SFTA2: variants seen among roughly 807,000 people sequenced by gnomAD.
The protein encoded by SFTA2 is surfactant associated 2.
SFTA2 carries 3 observed loss-of-function variants against 6.0 expected under a neutral mutation model. That is an observed-to-expected ratio of 0.50 (90% CI 0.23 to 1.28). SFTA2 has a LOEUF of 1.28. Among genes scored for constraint, SFTA2 ranks in the 50% most tolerant of loss-of-function variants. The pLI is 0.19. For missense variants in SFTA2, 87 were observed against 88.5 expected, an observed-to-expected ratio of 0.98 and a Z score of 0.07; for synonymous variants, 40 against 39.3, an observed-to-expected ratio of 1.02 and a Z score of -0.07.
At position 30,931,392 on chromosome 6, in the gene SFTA2, G is replaced by C; in HGVS notation, c.*96C>G. On this transcript the variant is annotated 3_prime_UTR_variant, in exon 3 of 3. Transcript: ENST00000359086. ...CCGAATTTTATTTATTGCCGCTCAG[G>C]AGGGTGGGGGCCTGCTGAAAGACAG... 8.4e-7 allele frequency: 1 copy of C among 1,196,582 alleles called. No individual in the cohort carries two copies. Among genetic ancestry groups the C allele is most frequent in the Non-Finnish European group, 1.2e-6 (1 of 862,992 alleles). 74.1% of individuals were successfully genotyped at this position (1,196,582 alleles called of 1,614,324 possible). A position where few individuals can be genotyped will look rare whatever the true frequency, so the allele number is the denominator to read the frequency against.
chr6:30,931,925 A>G, intron 1 of SFTA2, 111 bp downstream of exon 1: 5 of 1,541,330 alleles, frequency 3.2e-6, no homozygotes, highest in Non-Finnish European at 4.4e-6. Context: ...AGCCTCTTGG[A>G]AGCTCAGGAC....
intron 1 of SFTA2, 52 bp from the exon 2 acceptor site, chr6:30,931,847 C>T (rs17196081): frequency 0.016 from 25,088 of 1,597,840 alleles, 807 homozygotes; most frequent in African/African-American, 0.097. Flanking sequence ...CTGATTCCTC[C>T]GGAGACACAG....
rs765891186 is a variant in SFTA2 at position 30,931,511 on chromosome 6, G to T, written c.214C>A (p.His72Asn). Reference protein sequence around the residue: ...SVTLHHARSQHHVVCNT With the variant: ...SVTLHHARSQNHVVCNT ...TGTCATGTGTTGCAGACAACATGGTGTTGAGATCTTGCATGGTGGAGGGTG... is the reference window on the plus strand; with the variant it reads ...TGTCATGTGTTGCAGACAACATGGTTTTGAGATCTTGCATGGTGGAGGGTG... Residue 72 changes from histidine (H) to asparagine (N), a missense_variant, in exon 3 of 3, where the codon CAC becomes AAC. Transcript: ENST00000359086. 1.2e-6 allele frequency: 2 copies of T among 1,603,862 alleles called. No homozygotes were observed. Among genetic ancestry groups the T allele is most frequent in the Non-Finnish European group, 1.7e-6 (2 of 1,175,316 alleles).
intron 1 of SFTA2, 114 bp from the exon 2 acceptor site, chr6:30,931,909 C>T: frequency 6.5e-7 from 1 of 1,530,326 alleles, no homozygotes; most frequent in Non-Finnish European, 9.0e-7. Context: ...AGCAATGCCC[C>T]TCCAGAGCCT....
chr6:30,931,508 G>A lies in SFTA2; in HGVS notation c.217C>T (p.His73Tyr), dbSNP rs760294409. The change falls in exon 3 of 3, where the codon CAT becomes TAT. Residue 73 changes from histidine to tyrosine, a missense_variant. Coordinates refer to ENST00000359086, the MANE Select transcript of SFTA2 (RefSeq NM_205854.3). ...VTLHHARSQH[H>Y]VVCNT ...GGCTGTCATGTGTTGCAGACAACATGGTGTTGAGATCTTGCATGGTGGAGG... is the reference window on the plus strand; with the variant it reads ...GGCTGTCATGTGTTGCAGACAACATAGTGTTGAGATCTTGCATGGTGGAGG... The A allele has an allele frequency of 3.7e-6, 6 of 1,600,436 alleles. No homozygotes were observed. Among genetic ancestry groups the A allele is most frequent in the Non-Finnish European group, 5.1e-6 (6 of 1,173,090 alleles).
rs1200827852 is a variant in SFTA2 at position 30,932,025 on chromosome 6, C to T, written c.61+11G>A. Reference sequence around the variant, plus strand: ...CACAGGGACCCAGGAGTCCTGCCCTCTAGCCCTCACCTGTTCCATGTGAGC... The same window carrying T: ...CACAGGGACCCAGGAGTCCTGCCCTTTAGCCCTCACCTGTTCCATGTGAGC... On this transcript the variant is annotated intron_variant, in intron 1 of 2. Coordinates refer to ENST00000359086, the MANE Select transcript of SFTA2 (RefSeq NM_205854.3). This position sits in a 1 kb window ranked among gnomAD's most constrained non-coding sequence, Gnocchi z 6.5. The T allele has an allele frequency of 6.2e-7, 1 of 1,611,018 alleles. No individual in the cohort carries two copies. Among genetic ancestry groups the T allele is most frequent in the Non-Finnish European group, 8.5e-7 (1 of 1,179,296 alleles).
In SFTA2 at chr6:30,931,758, A is replaced by C; in HGVS notation, c.99T>G (p.Ser33=). Residue 33 remains serine, a synonymous_variant, in exon 2 of 3, where the codon TCT becomes TCG. Coordinates refer to ENST00000359086, the MANE Select transcript of SFTA2 (RefSeq NM_205854.3). ...ACTCATAGGAGGAATTTGTCAGAAAAGACTCCTTCAGCTTCAGTTGCAAAG... is the reference window on the plus strand; with the variant it reads ...ACTCATAGGAGGAATTTGTCAGAAACGACTCCTTCAGCTTCAGTTGCAAAG... ...GMTLQLKLKE[S]FLTNSSYESS... 1 of 1,613,092 alleles carries C rather than the reference A, an allele frequency of 6.2e-7. No individual in the cohort carries two copies. The highest frequency in any genetic ancestry group is 8.5e-7 in the Non-Finnish European group (1 of 1,180,020).
chr6:30,931,669 A>G, intron 2 of SFTA2, 38 bp downstream of exon 2: 1 of 1,612,300 alleles, frequency 6.2e-7, no homozygotes, highest in Non-Finnish European at 8.5e-7. Context: ...ACTGACTCAC[A>G]AACACACAGC....
In SFTA2 at chr6:30,932,062, G is replaced by A; in HGVS notation, c.35C>T (p.Thr12Ile). The change falls in exon 1 of 3, where the codon ACC (threonine) becomes ATC (isoleucine). Residue 12 changes from threonine to isoleucine, a missense_variant. Thr to Ile is a moderately conservative substitution (Grantham distance 89). Coordinates refer to ENST00000359086, the MANE Select transcript of SFTA2 (RefSeq NM_205854.3). The surrounding 1 kb of genome is among the most constrained non-coding windows in gnomAD (Gnocchi z 6.5). ...TGTTCCATGTGAGCTGCCAAGGAGG[G>A]TCAAGAGGAGGACAAGGGGCAGCCC... ...GSGLPLVLLL[T>I]LLGSSHGTGP... is the part of the protein sequence containing the mutation. 1 of 1,612,574 alleles carries A rather than the reference G, an allele frequency of 6.2e-7. No homozygotes were observed. Among genetic ancestry groups the A allele is most frequent in the African/African-American group, 1.3e-5 (1 of 75,006 alleles).
chr6:30,931,904 T>C (rs1283985695), intron 1 of SFTA2, 109 bp from the exon 2 acceptor site: 2 of 1,535,462 alleles, frequency 1.3e-6, no homozygotes, highest in Admixed American at 1.8e-5. Flanking sequence ...TCCCCAGCAA[T>C]GCCCCTCCAG....
rs1162421661 is a variant in SFTA2, at chr6:30,932,052, G to T, written c.45C>A (p.Gly15=). ...AGCCCTCACCTGTTCCATGTGAGCT[G>T]CCAAGGAGGGTCAAGAGGAGGACAA... ...LPLVLLLTLL[G]SSHGTGPGMT... is the part of the protein sequence containing the mutation. The change falls in exon 1 of 3, where the codon GGC becomes GGA. Residue 15 remains glycine, a synonymous_variant. Coordinates refer to ENST00000359086, the MANE Select transcript of SFTA2 (RefSeq NM_205854.3). This position sits in a 1 kb window ranked among gnomAD's most constrained non-coding sequence, Gnocchi z 6.5. The T allele has an allele frequency of 6.2e-7, 1 of 1,612,422 alleles. No homozygotes were observed. The highest frequency in any genetic ancestry group is 1.1e-5 in the South Asian group (1 of 90,858).
chr6:30,931,678 G>A (rs1320355412), intron 2 of SFTA2, 29 bp downstream of exon 2: 1 of 1,611,648 alleles, frequency 6.2e-7, no homozygotes, highest in Non-Finnish European at 8.5e-7. Flanking sequence ...CAAACACACA[G>A]CCCCATCTTT....
intron 1 of SFTA2, 94 bp from the exon 2 acceptor site, chr6:30,931,889 C>T: frequency 6.5e-7 from 1 of 1,549,256 alleles, no homozygotes; most frequent in Non-Finnish European, 8.9e-7. Flanking sequence ...CGGCACAGTT[C>T]CTCTTCCCCA....
Position 30,931,364 on chromosome 6 carries a change from A to G in SFTA2, c.*124T>C. On this transcript the variant is annotated 3_prime_UTR_variant, in exon 3 of 3. Transcript: ENST00000359086. Reference sequence around the variant, plus strand: ...AGTCAAGCAAGTTATTGAATTCAGCATACCGAATTTTATTTATTGCCGCTC... The same window carrying G: ...AGTCAAGCAAGTTATTGAATTCAGCGTACCGAATTTTATTTATTGCCGCTC... 1.1e-6 allele frequency: 1 copy of G among 909,508 alleles called. No homozygotes were observed. Among genetic ancestry groups the G allele is most frequent in the Non-Finnish European group, 1.6e-6 (1 of 616,948 alleles). The allele number at this position is 909,508 out of a possible 1,614,324, so 56.3% of individuals were successfully genotyped here. A position where few individuals can be genotyped will look rare whatever the true frequency, so the allele number is the denominator to read the frequency against.
In SFTA2 at chr6:30,931,713, A is replaced by G. The variant is rs777446403; in HGVS notation, c.144T>C (p.Leu48=). 24 of 1,613,038 alleles carry G rather than the reference A, an allele frequency of 1.5e-5. No homozygotes were observed. The East Asian group carries it at 5.3e-4, about 36-fold the overall frequency. Residue 48 remains leucine, a synonymous_variant, in exon 2 of 3, where the codon CTT becomes CTC. Transcript: ENST00000359086. Reference sequence around the variant, plus strand: ...TCCCCTTCCAAAGAACTACCTTTTCAAGCAATTCCAGGAAGCTGGACTCAT... The same window carrying G: ...TCCCCTTCCAAAGAACTACCTTTTCGAGCAATTCCAGGAAGCTGGACTCAT... ...SSYESSFLEL[L]EKLCLLLHLP...
rs4713402 is a variant in SFTA2, at chr6:30,931,456, C to T, written c.*32G>A. 294,257 of 1,527,282 alleles carry T rather than the reference C, an allele frequency of 0.19. 36,017 individuals carry two copies. The highest frequency in any genetic ancestry group is 0.56 in the East Asian group (24,521 of 43,958). The allele number at this position is 1,527,282 out of a possible 1,614,324, so 94.6% of individuals were successfully genotyped here. ...CTCCTGCATCCCCGGCCCAAAAGCC[C>T]GGGCCAAGAAGGACACAGGCTTCAA... On this transcript the variant is annotated 3_prime_UTR_variant, in exon 3 of 3. Coordinates refer to ENST00000359086, the MANE Select transcript of SFTA2 (RefSeq NM_205854.3).
Position 30,931,383 on chromosome 6 carries a change from G to A in SFTA2, c.*105C>T, listed in dbSNP as rs1795129107. 9.3e-7 allele frequency: 1 copy of A among 1,076,702 alleles called. No individual in the cohort carries two copies. The highest frequency in any genetic ancestry group is 1.6e-5 in the African/African-American group (1 of 63,528). The allele number at this position is 1,076,702 out of a possible 1,614,324, so 66.7% of individuals were successfully genotyped here. On this transcript the variant is annotated 3_prime_UTR_variant, in exon 3 of 3. Coordinates refer to ENST00000359086, the MANE Select transcript of SFTA2 (RefSeq NM_205854.3). Reference sequence around the variant, plus strand: ...TTCAGCATACCGAATTTTATTTATTGCCGCTCAGGAGGGTGGGGGCCTGCT... The same window carrying A: ...TTCAGCATACCGAATTTTATTTATTACCGCTCAGGAGGGTGGGGGCCTGCT...
At position 30,931,469 on chromosome 6, in the gene SFTA2, A is replaced by G; in HGVS notation, c.*19T>C. 1 of 1,548,146 alleles carries G rather than the reference A, an allele frequency of 6.5e-7. No individual in the cohort carries two copies. The highest frequency in any genetic ancestry group is 8.7e-7 in the Non-Finnish European group (1 of 1,144,750). On this transcript the variant is annotated 3_prime_UTR_variant, in exon 3 of 3. Transcript: ENST00000359086. ...GGCCCAAAAGCCCGGGCCAAGAAGG[A>G]CACAGGCTTCAATGGCTGTCATGTG...
chr6:30,931,690 C>T lies in SFTA2; in HGVS notation c.150+17G>A, dbSNP rs1364854439. The T allele has an allele frequency of 6.2e-7, 1 of 1,612,792 alleles. No homozygotes were observed. The highest frequency in any genetic ancestry group is 1.3e-5 in the African/African-American group (1 of 74,914). ...TCACAAACACACAGCCCCATCTTTC[C>T]CCTTCCAAAGAACTACCTTTTCAAG... On this transcript the variant is annotated intron_variant, in intron 2 of 2. Coordinates refer to ENST00000359086, the MANE Select transcript of SFTA2 (RefSeq NM_205854.3).
Sources: allele counts gnomAD v4.1 joint callset, GRCh38; gene constraint gnomAD v4.1.1; non-coding constraint Gnocchi (gnomAD v3.1); transcripts MANE v1.5; gene names NCBI Gene and HGNC (gene_info 2026-07-23, HGNC 2026-07-21).